The following MARCHF1 variants were observed in gnomAD, a reference collection of about 807,000 sequenced individuals.
The protein encoded by MARCHF1 is E3 ubiquitin-protein ligase MARCHF1.
A neutral mutation model predicts 54.2 loss-of-function variants in MARCHF1; 40 were observed. The observed-to-expected ratio is 0.74, with a 90% CI of 0.57 to 0.96. The LOEUF is 0.96. MARCHF1 is among the 40% of genes least tolerant of loss of function. MARCHF1 has a pLI of 0.00. For synonymous variants in MARCHF1, 236 were observed against 236.3 expected (o/e 1.00, Z 0.01); for missense variants, 586 against 656.5 (o/e 0.89, Z 1.17).
intron 2 of MARCHF1, among the ~76,000 whole-genome samples, chr4:164,027,027 GA>G (rs940032237): frequency 3.6e-4 from 55 of 151,856 alleles, no homozygotes; most frequent in African/African-American, 1.3e-3. Context: ...ATGTCTAAAG[GA>G]AGTGAAAGAT....
At chr4:164,238,948 G>A (rs1732646528) in intron 1 of MARCHF1, among the ~76,000 whole-genome samples, 1 of 152,078 alleles carries the variant, frequency 6.6e-6, no homozygotes, top group South Asian at 2.1e-4. Context: ...AAGGAAACCT[G>A]ATATTCTGTT....
intron 2 of MARCHF1, among the ~76,000 whole-genome samples, chr4:164,107,790 T>C (rs1755739447): frequency 6.7e-6 from 1 of 149,192 alleles, no homozygotes; most frequent in Non-Finnish European, 1.5e-5. Flanking sequence ...ATGAACTATT[T>C]ATTTTACTAT....
chr4:163,974,046 C>A (rs533596036), intron 3 of MARCHF1, among the ~76,000 whole-genome samples: 1 of 152,178 alleles, frequency 6.6e-6, no homozygotes, highest in Admixed American at 6.5e-5. Context: ...GGAGAAAGCA[C>A]CACACTTTCT....
chr4:163,623,843 A>G (rs1319883590), intron 5 of MARCHF1, among the ~76,000 whole-genome samples: 1 of 152,136 alleles, frequency 6.6e-6, no homozygotes. Flanking sequence ...TACCTGCACC[A>G]ACATCCTTGT....
intron 2 of MARCHF1, among the ~76,000 whole-genome samples, chr4:163,992,506 A>G (rs1027979535): frequency 6.6e-6 from 1 of 151,968 alleles, no homozygotes; most frequent in Non-Finnish European, 1.5e-5. Flanking sequence ...TGAGGCCTCT[A>G]TTGTGCTTGG....
chr4:163,897,228 C>T (rs182869949), intron 3 of MARCHF1, among the ~76,000 whole-genome samples: 2 of 152,272 alleles, frequency 1.3e-5, no homozygotes, highest in Admixed American at 1.3e-4. Flanking sequence ...CAGCTTATTA[C>T]CTCAAATATC....
intron 1 of MARCHF1, among the ~76,000 whole-genome samples, chr4:164,161,304 T>C (rs1234893102): frequency 6.6e-6 from 1 of 152,108 alleles, no homozygotes; most frequent in African/African-American, 2.4e-5. Context: ...CCCTTCACCT[T>C]CTGCCATGAT....
At position 164,176,976 on chromosome 4, in the gene MARCHF1, CTCTCTATATATATATA is replaced by C. The variant is rs1335739747; in HGVS notation, c.-322-65330_-322-65315del. 3.0e-4 allele frequency among the ~76,000 whole-genome samples: 10 copies of C among 32,866 alleles called. 1 individual carries two copies. Among genetic ancestry groups the C allele is most frequent in the African/African-American group, 8.6e-4 (7 of 8,148 alleles). 21.6% of individuals were successfully genotyped at this position (32,866 alleles called of 152,430 possible). ...TCTCTCTCTCTCTCTCTCTCTCTCT[CTCTCTATATATATATA>C]TATATATATATATATATACAAATGA... On this transcript the variant is annotated intron_variant, in intron 1 of 9. Coordinates refer to ENST00000514618, the MANE Select transcript of MARCHF1 (RefSeq NM_001394959.1).
At chr4:164,086,840 TGA>T (rs1755202424) in intron 2 of MARCHF1, among the ~76,000 whole-genome samples, 1 of 151,966 alleles carries the variant, frequency 6.6e-6, no homozygotes, top group South Asian at 2.1e-4. Flanking sequence ...GATGGTGTCT[TGA>T]GAGGAAGAAA....
At chr4:163,817,375 ACATATATACACATG>A (rs1432153220) in intron 4 of MARCHF1, among the ~76,000 whole-genome samples, 4 of 150,076 alleles carry the variant, frequency 2.7e-5, no homozygotes, top group Admixed American at 6.6e-5. Flanking sequence ...ACATATACAT[ACATATATACACATG>A]CATATATACA....
intron 7 of MARCHF1, among the ~76,000 whole-genome samples, chr4:163,597,109 C>G (rs1740801025): frequency 6.6e-6 from 1 of 152,138 alleles, no homozygotes. Context: ...GCATGTACTA[C>G]CACGCCCGAC....
chr4:163,850,365 C>A (rs577637065), intron 4 of MARCHF1, among the ~76,000 whole-genome samples: 1 of 152,320 alleles, frequency 6.6e-6, no homozygotes, highest in South Asian at 2.1e-4. Context: ...CAGGTTCTAA[C>A]AATTCCAGCC....
At chr4:164,188,937 T>C in intron 1 of MARCHF1, 1 of 757,198 alleles carries the variant, frequency 1.3e-6, no homozygotes. Flanking sequence ...ACCAAAGATA[T>C]TGGAACTATT....
chr4:163,877,408 G>A (rs115956124), intron 3 of MARCHF1, among the ~76,000 whole-genome samples: 401 of 151,204 alleles, frequency 2.7e-3, no homozygotes, highest in Non-Finnish European at 4.7e-3. Flanking sequence ...CCACTGCCTC[G>A]GTCCCACCCT....
chr4:163,713,157 T>C (rs1745157780), intron 4 of MARCHF1, among the ~76,000 whole-genome samples: 1 of 152,124 alleles, frequency 6.6e-6, no homozygotes, highest in Non-Finnish European at 1.5e-5. Flanking sequence ...AGAATTCTTG[T>C]CCATTATTAT....
rs1744975596 is a variant in MARCHF1 at position 163,707,243 on chromosome 4, C to A, written c.112-6380G>T. 3.3e-5 allele frequency among the ~76,000 whole-genome samples: 5 copies of A among 151,882 alleles called. 1 individual carries two copies. The South Asian group carries it at 1.0e-3, about 31-fold the overall frequency. ...ATTGGTATATTTGATTATCCTCTGT[C>A]TAGAAAAATACAAAAAGTTAAAGTG... On this transcript the variant is annotated intron_variant, in intron 4 of 9. Transcript: ENST00000514618.
At chr4:163,884,582 T>C (rs1750488911) in intron 3 of MARCHF1, among the ~76,000 whole-genome samples, 1 of 152,160 alleles carries the variant, frequency 6.6e-6, no homozygotes, top group South Asian at 2.1e-4. Context: ...TAGTTCAAAG[T>C]CTCTTGGGAC....
At chr4:164,323,006 A>G (rs533982254) in intron 1 of MARCHF1, among the ~76,000 whole-genome samples, 21 of 152,136 alleles carry the variant, frequency 1.4e-4, no homozygotes, top group Non-Finnish European at 2.7e-4. Context: ...TGTCAAAGAT[A>G]CATAGAATTT....
At chr4:163,572,676 G>A (rs902129885) in intron 8 of MARCHF1, among the ~76,000 whole-genome samples, 4 of 152,124 alleles carry the variant, frequency 2.6e-5, no homozygotes, top group African/African-American at 9.7e-5. Flanking sequence ...CCTTATAGTA[G>A]AAGCACTGTT....
Sources: gnomAD v4.1 joint callset for allele counts (sites outside exome capture counted in the v4.1 genomes callset) on GRCh38, gnomAD v4.1.1 for gene constraint, MANE v1.5 for transcripts, NCBI Gene and HGNC (gene_info 2026-07-23, HGNC 2026-07-21) for gene names.